Variants in SCRN1 observed in about 807,000 individuals in gnomAD.
The protein encoded by SCRN1 is secernin 1.
A neutral mutation model predicts 43.3 loss-of-function variants in SCRN1; 19 were observed. That is an observed-to-expected ratio of 0.44 (90% CI 0.31 to 0.64). The LOEUF (loss-of-function observed/expected upper bound fraction) is 0.64. Ranked by LOEUF, SCRN1 falls within the 30% of genes least tolerant of loss-of-function variation. The probability of loss-of-function intolerance (pLI) is 0.09; values close to 1 mark genes in which losing one functional copy is unlikely to be tolerated. For synonymous variants in SCRN1, 183 were observed against 188.9 expected, an observed-to-expected ratio of 0.97 and a Z score of 0.26; for missense variants, 447 against 524.1, an observed-to-expected ratio of 0.85 and a Z score of 1.44.
chr7:29,962,383 A>G (rs867231494), intron 2 of SCRN1, among the ~76,000 whole-genome samples: 2 of 151,762 alleles, frequency 1.3e-5, no homozygotes, highest in African/African-American at 4.8e-5. Flanking sequence ...CTCAGGACAC[A>G]TGTTTAAAAT....
intron 5 of SCRN1, 100 bp from the exon 6 acceptor site, chr7:29,936,821 C>T (rs912378531): frequency 2.9e-5 from 27 of 932,592 alleles, no homozygotes; most frequent in South Asian, 2.3e-4. Context: ...CCGAGGCGGG[C>T]GGATCACGAG....
chr7:29,962,190 CAT>C (rs540805677), intron 2 of SCRN1, among the ~76,000 whole-genome samples: 104 of 146,498 alleles, frequency 7.1e-4, no homozygotes, highest in African/African-American at 2.3e-3. Flanking sequence ...TAATTATTTA[CAT>C]ATAATTAAAT....
At chr7:29,975,517 T>C (rs1470272489) in intron 1 of SCRN1, among the ~76,000 whole-genome samples, 1 of 152,090 alleles carries the variant, frequency 6.6e-6, no homozygotes, top group African/African-American at 2.4e-5. Flanking sequence ...TAGGAACAAG[T>C]TTTTTCAGAA....
At chr7:29,925,557 A>G (rs1315536919) in intron 7 of SCRN1, among the ~76,000 whole-genome samples, 1 of 152,232 alleles carries the variant, frequency 6.6e-6, no homozygotes, top group African/African-American at 2.4e-5. Flanking sequence ...TTGAATTTAT[A>G]TAAAGTCCAT....
At chr7:29,957,109 A>C (rs1203235636) in intron 2 of SCRN1, among the ~76,000 whole-genome samples, 1 of 152,250 alleles carries the variant, frequency 6.6e-6, no homozygotes, top group Non-Finnish European at 1.5e-5. Context: ...TTAAAAGGGC[A>C]GAAAAAAAGT....
chr7:29,973,229 C>T (rs1369161869), intron 1 of SCRN1, among the ~76,000 whole-genome samples: 2 of 152,238 alleles, frequency 1.3e-5, no homozygotes, highest in Non-Finnish European at 2.9e-5. Context: ...AATTACACTT[C>T]TCTTGGTGCG....
At position 29,983,584 on chromosome 7, in the gene SCRN1, A is replaced by G. The variant is rs1439575186; in HGVS notation, c.-2+6058T>C. Among the ~76,000 whole-genome samples, 5 of 152,234 alleles carry G rather than the reference A, an allele frequency of 3.3e-5. No individual in the cohort carries two copies. In the East Asian group the frequency reaches 9.6e-4, roughly 29 times the overall value. Reference sequence around the variant, plus strand: ...CCCTAAATTAATCTGTGGAGTCAATATGACAGCTATCAACATATAAATAGG... The same window carrying G: ...CCCTAAATTAATCTGTGGAGTCAATGTGACAGCTATCAACATATAAATAGG... On this transcript the variant is annotated intron_variant, in intron 1 of 7. Transcript: ENST00000242059.
At chr7:29,989,820 G>C, upstream of SCRN1, 3 of 985,396 alleles carry the variant, frequency 3.0e-6, no homozygotes, top group Non-Finnish European at 3.6e-6. Flanking sequence ...GGGGCCCGCC[G>C]CCCCCCGCAG....
intron 1 of SCRN1, among the ~76,000 whole-genome samples, chr7:29,984,997 A>G (rs1057117797): frequency 2.1e-5 from 3 of 145,046 alleles, no homozygotes; most frequent in Non-Finnish European, 4.5e-5. Context: ...TAAAAATTTG[A>G]TAATATCTAG....
chr7:29,940,988 A>G (rs1044686778), intron 4 of SCRN1, 112 bp from the exon 5 acceptor site: 2 of 870,754 alleles, frequency 2.3e-6, no homozygotes, highest in Admixed American at 7.3e-5. Context: ...AACTACAGGG[A>G]GGAATCCATT....
chr7:29,967,457 G>A (rs1169791293), intron 2 of SCRN1, among the ~76,000 whole-genome samples: 1 of 149,284 alleles, frequency 6.7e-6, no homozygotes, highest in Non-Finnish European at 1.5e-5. Flanking sequence ...TCAACTTCCT[G>A]GGCTCACGTG....
chr7:29,930,253 T>C (rs1562801712), intron 6 of SCRN1, among the ~76,000 whole-genome samples: 2 of 152,168 alleles, frequency 1.3e-5, no homozygotes, highest in Non-Finnish European at 2.9e-5. Context: ...AATTGCAATA[T>C]TAATATTTGT....
At chr7:29,964,729 G>T (rs184615387) in intron 2 of SCRN1, among the ~76,000 whole-genome samples, 5 of 152,074 alleles carry the variant, frequency 3.3e-5, no homozygotes, top group Non-Finnish European at 5.9e-5. Flanking sequence ...GATCACTTGA[G>T]GTCAGGAGTT....
chr7:29,925,663 TGTGGGA>T, intron 7 of SCRN1, among the ~76,000 whole-genome samples: 1 of 152,274 alleles, frequency 6.6e-6, no homozygotes, highest in African/African-American at 2.4e-5. Flanking sequence ...TAACCAAAGG[TGTGGGA>T]CTGGGGAGAG....
Position 29,968,962 on chromosome 7 carries a change from G to A in SCRN1, c.106C>T (p.Gln36Ter), listed in dbSNP as rs764487521. Residue 36 changes from glutamine (Q) to a stop codon, truncating the protein, a stop_gained, in exon 2 of 8, where the codon CAA becomes TAA. Coordinates refer to ENST00000242059, the MANE Select transcript of SCRN1 (RefSeq NM_014766.5). LOFTEE classifies it high-confidence loss of function. ...KNSARPRDEV[Q>*]EVVYFSAADH... ...GCAGCCGAGAAATACACAACCTCTTGCACTTCATCTCTGGGCCGGGCTGAA... is the reference window on the plus strand; with the variant it reads ...GCAGCCGAGAAATACACAACCTCTTACACTTCATCTCTGGGCCGGGCTGAA... 2 of 1,614,022 alleles carry A rather than the reference G, an allele frequency of 1.2e-6. No homozygotes were observed. The highest frequency in any genetic ancestry group is 2.7e-5 in the African/African-American group (2 of 74,910).
Position 29,926,507 on chromosome 7 carries a change from C to G in SCRN1, c.1031G>C (p.Arg344Pro). Residue 344 changes from arginine (R) to proline (P), a missense_variant, in exon 7 of 8, where the codon CGG (arginine) becomes CCG (proline). Arg to Pro is a moderately radical substitution (Grantham distance 103, BLOSUM62 -2). Coordinates refer to ENST00000242059, the MANE Select transcript of SCRN1 (RefSeq NM_014766.5). ...EPRFQEKPDR[R>P]HELYKAHEWA... ...CTCGTGGGCTTTGTACAGCTCATGC[C>G]GGCGGTCTGGTTTCTCCTGGAACCG... 1 of 1,614,080 alleles carries G rather than the reference C, an allele frequency of 6.2e-7. No homozygotes were observed. Among genetic ancestry groups the G allele is most frequent in the Admixed American group, 1.7e-5 (1 of 60,026 alleles).
intron 6 of SCRN1, among the ~76,000 whole-genome samples, chr7:29,932,876 T>C (rs543014464): frequency 6.6e-6 from 1 of 151,870 alleles, no homozygotes; most frequent in Admixed American, 6.6e-5. Flanking sequence ...CTTATTTATT[T>C]TATTTTATTT....
chr7:29,964,442 C>T (rs1325527615), intron 2 of SCRN1, among the ~76,000 whole-genome samples: 1 of 136,520 alleles, frequency 7.3e-6, no homozygotes, highest in African/African-American at 2.8e-5. Context: ...ATGATTCCAA[C>T]TATGTGACAT....
rs867165491 is a variant in SCRN1 at position 29,924,731 on chromosome 7, G to C, written c.1087-616C>G. ...TGTTCATTGAATGAAAAAAAAAATG[G>C]ATCAATGAATAAACAGGTGCCATGT... On this transcript the variant is annotated intron_variant, in intron 7 of 7. Transcript: ENST00000242059. Among the ~76,000 whole-genome samples, 7 of 152,146 alleles carry C rather than the reference G, an allele frequency of 4.6e-5. No individual in the cohort carries two copies. The South Asian group carries it at 1.5e-3, about 32-fold the overall frequency.
Sources: allele counts gnomAD v4.1 joint callset (sites outside exome capture counted in the v4.1 genomes callset), GRCh38; gene constraint gnomAD v4.1.1; transcripts MANE v1.5; gene names NCBI Gene and HGNC (gene_info 2026-07-23, HGNC 2026-07-21).